PIP4K2A: variants seen among roughly 807,000 people sequenced by gnomAD.
The protein encoded by PIP4K2A is phosphatidylinositol-5-phosphate 4-kinase type 2 alpha, also known as phosphatidylinositol 5-phosphate 4-kinase type-2 alpha.
A neutral mutation model predicts 42.9 loss-of-function variants in PIP4K2A; 14 were observed. The observed-to-expected ratio is 0.33, with a 90% CI of 0.22 to 0.51. The LOEUF (loss-of-function observed/expected upper bound fraction) is 0.51. PIP4K2A is among the 20% of genes least tolerant of loss of function. The probability of loss-of-function intolerance (pLI) is 0.97; values close to 1 mark genes in which losing one functional copy is unlikely to be tolerated. For synonymous variants in PIP4K2A, 192 were observed against 192.2 expected, an observed-to-expected ratio of 1.00 and a Z score of 0.01; for missense variants, 434 against 519.8, an observed-to-expected ratio of 0.83 and a Z score of 1.61.
In PIP4K2A at chr10:22,664,098, TATATAC is replaced by T. The variant is rs1564459904; in HGVS notation, c.144+50079_144+50084del. ...ATACGTATATATATATACATATATA[TATATAC>T]ATATATATATACATATATATATATA... On this transcript the variant is annotated intron_variant, in intron 1 of 9. Coordinates refer to ENST00000376573, the MANE Select transcript of PIP4K2A (RefSeq NM_005028.5). 5.5e-4 allele frequency among the ~76,000 whole-genome samples: 45 copies of T among 82,524 alleles called. 1 individual carries two copies. Among genetic ancestry groups the T allele is most frequent in the African/African-American group, 3.7e-3 (37 of 10,104 alleles). 54.1% of individuals were successfully genotyped at this position (82,524 alleles called of 152,430 possible).
In PIP4K2A at chr10:22,703,592, C is replaced by T. The variant is rs145393392; in HGVS notation, c.144+10591G>A. Among the ~76,000 whole-genome samples, 654 of 152,220 alleles carry T rather than the reference C, an allele frequency of 4.3e-3. 3 individuals carry two copies. The highest frequency in any genetic ancestry group is 0.015 in the African/African-American group (604 of 41,528). On this transcript the variant is annotated intron_variant, in intron 1 of 9. Transcript: ENST00000376573. The stretch of plus-strand genomic sequence containing the variant: ...GGCAAGGAGGAAAGTGGGGCCCAGG[C>T]CAGTAAGATCCTGCAGGTCAGAAAA...
intron 1 of PIP4K2A, chr10:22,661,664 A>T (rs1839208490): frequency 6.6e-6 from 1 of 152,144 alleles, no homozygotes; most frequent in Non-Finnish European, 1.5e-5. Context: ...ACTGGCCTTA[A>T]ATAGGAGAAC....
At chr10:22,562,977 G>T (rs1348982920) in intron 6 of PIP4K2A, among the ~76,000 whole-genome samples, 2 of 152,136 alleles carry the variant, frequency 1.3e-5, no homozygotes, top group East Asian at 3.9e-4. Flanking sequence ...GATTGCAGCA[G>T]GTGATGAAGT....
At chr10:22,711,460 A>G (rs1437536371) in intron 1 of PIP4K2A, among the ~76,000 whole-genome samples, 1 of 152,250 alleles carries the variant, frequency 6.6e-6, no homozygotes, top group Non-Finnish European at 1.5e-5. Context: ...ACTTTTATAT[A>G]GTATTCTACA....
At chr10:22,693,040 C>T (rs1588710789) in intron 1 of PIP4K2A, among the ~76,000 whole-genome samples, 1 of 152,180 alleles carries the variant, frequency 6.6e-6, no homozygotes, top group East Asian at 1.9e-4. Context: ...ACAAATAGTT[C>T]TGCATATCCA....
chr10:22,714,002 G>T, intron 1 of PIP4K2A, 181 bp downstream of exon 1: 1 of 563,080 alleles, frequency 1.8e-6, no homozygotes, highest in East Asian at 3.2e-5. Context: ...GTGGTGCCTG[G>T]GCGGCCCAGA....
chr10:22,611,637 T>C (rs1049056527), intron 1 of PIP4K2A, among the ~76,000 whole-genome samples: 2 of 152,210 alleles, frequency 1.3e-5, no homozygotes, highest in African/African-American at 2.4e-5. Flanking sequence ...TAACGTCATA[T>C]AGCTTCTCCA....
intron 7 of PIP4K2A, among the ~76,000 whole-genome samples, chr10:22,544,937 G>A (rs970135156): frequency 6.6e-6 from 1 of 152,194 alleles, no homozygotes; most frequent in Non-Finnish European, 1.5e-5. Flanking sequence ...TTAGGGCACC[G>A]CACACTCCTC....
chr10:22,704,104 A>G (rs948652005), intron 1 of PIP4K2A, among the ~76,000 whole-genome samples: 2 of 152,194 alleles, frequency 1.3e-5, no homozygotes, highest in African/African-American at 4.8e-5. Context: ...CTGAAGTTAA[A>G]AATTTCTCAA....
intron 1 of PIP4K2A, among the ~76,000 whole-genome samples, chr10:22,686,039 T>C (rs1839758800): frequency 6.6e-6 from 1 of 152,212 alleles, no homozygotes; most frequent in African/African-American, 2.4e-5. Context: ...CGAGTAATAC[T>C]GGGCGTGTCA....
intron 1 of PIP4K2A, among the ~76,000 whole-genome samples, chr10:22,654,228 C>T (rs1157457347): frequency 2.0e-5 from 3 of 152,152 alleles, no homozygotes; most frequent in Non-Finnish European, 4.4e-5. Flanking sequence ...TTTAAAAATG[C>T]TATGAAAATA....
intron 3 of PIP4K2A, among the ~76,000 whole-genome samples, chr10:22,593,483 A>G (rs1483368177): frequency 1.3e-5 from 2 of 152,274 alleles, no homozygotes; most frequent in African/African-American, 2.4e-5. Context: ...AAATGCCTAC[A>G]TTAACAAGAG....
intron 1 of PIP4K2A, among the ~76,000 whole-genome samples, chr10:22,615,320 C>A (rs1007993827): frequency 2.6e-5 from 4 of 152,134 alleles, no homozygotes; most frequent in African/African-American, 9.7e-5. Context: ...GTTGCCTGGG[C>A]TCAACAGATC....
Position 22,536,968 on chromosome 10 carries a change from A to T in PIP4K2A, c.*233T>A. The T allele has an allele frequency of 8.5e-5, 2 of 23,406 alleles. No homozygotes were observed. The highest frequency in any genetic ancestry group is 1.4e-4 in the Non-Finnish European group (2 of 13,940). The allele number at this position is 23,406 out of a possible 1,614,324, so 1.4% of individuals were successfully genotyped here. A position where few individuals can be genotyped will look rare whatever the true frequency, so the allele number is the denominator to read the frequency against. ...GCGCGCACACACTCACCCCCCCCCAACACACACACACACACATATACACAA... is the reference window on the plus strand; with the variant it reads ...GCGCGCACACACTCACCCCCCCCCATCACACACACACACACATATACACAA... On this transcript the variant is annotated 3_prime_UTR_variant, in exon 10 of 10. Transcript: ENST00000376573.
intron 1 of PIP4K2A, among the ~76,000 whole-genome samples, chr10:22,665,019 G>C (rs541722277): frequency 6.6e-6 from 1 of 152,030 alleles, no homozygotes; most frequent in South Asian, 2.1e-4. Context: ...TATTGTAATA[G>C]CAATACCCAA....
At chr10:22,560,928 C>G (rs1836676343) in intron 6 of PIP4K2A, among the ~76,000 whole-genome samples, 1 of 152,234 alleles carries the variant, frequency 6.6e-6, no homozygotes, top group Admixed American at 6.5e-5. Flanking sequence ...TCTTTTACTT[C>G]CCCAGGTCCC....
At chr10:22,576,507 C>T (rs796099493) in intron 4 of PIP4K2A, among the ~76,000 whole-genome samples, 4 of 152,188 alleles carry the variant, frequency 2.6e-5, no homozygotes, top group African/African-American at 9.6e-5. Context: ...CAGCTTTAGC[C>T]GGGGTCTCAC....
At chr10:22,583,443 G>C (rs2130810109) in intron 4 of PIP4K2A, among the ~76,000 whole-genome samples, 1 of 152,316 alleles carries the variant, frequency 6.6e-6, no homozygotes, top group East Asian at 1.9e-4. Flanking sequence ...CGGAGAGCAG[G>C]TGTGCCCAGG....
chr10:22,578,114 T>A (rs1301222826), intron 4 of PIP4K2A, among the ~76,000 whole-genome samples: 1 of 152,264 alleles, frequency 6.6e-6, no homozygotes, highest in Admixed American at 6.5e-5. Context: ...AAAATGTTAA[T>A]AATTGTTCAA....
Sources: gnomAD v4.1 joint callset for allele counts (sites outside exome capture counted in the v4.1 genomes callset) on GRCh38, gnomAD v4.1.1 for gene constraint, MANE v1.5 for transcripts, NCBI Gene and HGNC (gene_info 2026-07-23, HGNC 2026-07-21) for gene names.